Variants in LRMDA observed in about 807,000 individuals in gnomAD.
LRMDA encodes the protein leucine rich melanocyte differentiation associated, also known as leucine-rich melanocyte differentiation-associated protein.
Under a neutral mutation model 29.8 loss-of-function variants are expected in LRMDA, and 18 were observed. That is an observed-to-expected ratio of 0.60 (90% CI 0.42 to 0.90). LRMDA has a LOEUF of 0.90. Ranked by LOEUF, LRMDA falls within the 40% of genes least tolerant of loss-of-function variation. The pLI is 0.00. For missense variants in LRMDA, 273 were observed against 273.9 expected (o/e 1.00, Z 0.02); for synonymous variants, 125 against 109.4 (o/e 1.14, Z -0.89).
At chr10:76,226,747 A>G (rs1355719844) in intron 5 of LRMDA, among the ~76,000 whole-genome samples, 3 of 152,154 alleles carry the variant, frequency 2.0e-5, no homozygotes, top group African/African-American at 7.2e-5. Flanking sequence ...CACAGAGCCA[A>G]ACCATATCAG....
At chr10:76,017,809 G>A (rs925300554) in intron 2 of LRMDA, among the ~76,000 whole-genome samples, 6 of 152,158 alleles carry the variant, frequency 3.9e-5, no homozygotes, top group Admixed American at 2.6e-4. Flanking sequence ...GGCTTCCAGG[G>A]CAGATGTGCA....
At chr10:76,128,624 A>C (rs1849930426) in intron 5 of LRMDA, among the ~76,000 whole-genome samples, 1 of 152,180 alleles carries the variant, frequency 6.6e-6, no homozygotes, top group African/African-American at 2.4e-5. Flanking sequence ...TATGATCCCC[A>C]GTGTGAAAAA....
At chr10:75,604,097 A>AC (rs1202550174) in intron 2 of LRMDA, among the ~76,000 whole-genome samples, 3 of 151,736 alleles carry the variant, frequency 2.0e-5, no homozygotes, top group East Asian at 1.9e-4. Context: ...TTGGATTGTG[A>AC]CCCCCCAATG....
chr10:75,584,115 TG>T (rs1457523217), intron 2 of LRMDA, among the ~76,000 whole-genome samples: 1 of 152,200 alleles, frequency 6.6e-6, no homozygotes, highest in African/African-American at 2.4e-5. Flanking sequence ...TAAGACAATA[TG>T]GGCTGCTTTT....
intron 2 of LRMDA, among the ~76,000 whole-genome samples, chr10:75,834,910 C>T (rs1844407375): frequency 6.6e-6 from 1 of 152,210 alleles, no homozygotes. Context: ...AATGTTTCTA[C>T]TAACAGCCTG....
At chr10:76,341,513 T>C (rs2132420336) in intron 6 of LRMDA, among the ~76,000 whole-genome samples, 1 of 152,364 alleles carries the variant, frequency 6.6e-6, no homozygotes, top group Non-Finnish European at 1.5e-5. Flanking sequence ...CTCATTGTTA[T>C]TCCAGTTAGT....
intron 6 of LRMDA, among the ~76,000 whole-genome samples, chr10:76,350,725 A>G (rs1841165711): frequency 6.6e-6 from 1 of 152,094 alleles, no homozygotes; most frequent in Non-Finnish European, 1.5e-5. Context: ...ATATTATCCT[A>G]GTCATCTGGG....
chr10:76,397,251 G>A (rs941965650), intron 6 of LRMDA, among the ~76,000 whole-genome samples: 4 of 152,080 alleles, frequency 2.6e-5, no homozygotes, highest in African/African-American at 7.2e-5. Flanking sequence ...GCTTTGCTCA[G>A]TTGTCACAAG....
At chr10:76,337,156 ATT>A (rs1840979615) in intron 6 of LRMDA, among the ~76,000 whole-genome samples, 1 of 152,180 alleles carries the variant, frequency 6.6e-6, no homozygotes. Context: ...CTGGAAGTTT[ATT>A]AATTCATTCA....
At chr10:76,510,561 C>T (rs1208598065) in intron 6 of LRMDA, among the ~76,000 whole-genome samples, 2 of 152,138 alleles carry the variant, frequency 1.3e-5, no homozygotes, top group African/African-American at 2.4e-5. Context: ...AGAAGAACCT[C>T]GGACTGCCAC....
At chr10:76,156,735 A>C (rs1206670277) in intron 5 of LRMDA, among the ~76,000 whole-genome samples, 1 of 152,226 alleles carries the variant, frequency 6.6e-6, no homozygotes, top group Non-Finnish European at 1.5e-5. Context: ...AAGGCTCATG[A>C]TAGCTCAAGA....
intron 2 of LRMDA, among the ~76,000 whole-genome samples, chr10:75,955,656 T>C (rs913968819): frequency 6.6e-6 from 1 of 152,196 alleles, no homozygotes; most frequent in East Asian, 1.9e-4. Context: ...CTATAGTGCC[T>C]CAAATTTTGT....
intron 5 of LRMDA, among the ~76,000 whole-genome samples, chr10:76,099,153 T>A (rs539081836): frequency 6.6e-6 from 1 of 152,358 alleles, no homozygotes; most frequent in Admixed American, 6.5e-5. Flanking sequence ...TAGTCCTACC[T>A]ACAAAGGCCA....
intron 6 of LRMDA, among the ~76,000 whole-genome samples, chr10:76,383,825 A>G (rs1165283932): frequency 1.3e-5 from 2 of 152,188 alleles, no homozygotes; most frequent in African/African-American, 2.4e-5. Flanking sequence ...TTGAGGTTTC[A>G]GCTTGAATGT....
chr10:75,745,648 T>A (rs1052014038), intron 2 of LRMDA, among the ~76,000 whole-genome samples: 1 of 152,240 alleles, frequency 6.6e-6, no homozygotes, highest in African/African-American at 2.4e-5. Flanking sequence ...TAAGAAAACA[T>A]TGGAACAATA....
intron 4 of LRMDA, among the ~76,000 whole-genome samples, chr10:76,051,324 T>C (rs1848528269): frequency 6.6e-6 from 1 of 152,256 alleles, no homozygotes; most frequent in African/African-American, 2.4e-5. Context: ...TTACTCTCTG[T>C]AGAGGGCCTT....
At chr10:75,616,234 T>TAGCAGCAGCAGCAGCAGCAGCAGC (rs1006575002) in intron 2 of LRMDA, among the ~76,000 whole-genome samples, 101 of 146,804 alleles carry the variant, frequency 6.9e-4, no homozygotes, top group African/African-American at 2.6e-3. Context: ...ACAGTAATAG[T>TAGCAGCAGCAGCAGCAGCAGCAGC]AGCAGTAGCA....
At chr10:75,506,502 T>A (rs903952203) in intron 2 of LRMDA, among the ~76,000 whole-genome samples, 1 of 152,164 alleles carries the variant, frequency 6.6e-6, no homozygotes, top group Non-Finnish European at 1.5e-5. Flanking sequence ...TGGTGTCTTA[T>A]AGCAGATCAG....
At chr10:76,128,161 G>A (rs1275623666) in intron 5 of LRMDA, among the ~76,000 whole-genome samples, 1 of 152,208 alleles carries the variant, frequency 6.6e-6, no homozygotes, top group African/African-American at 2.4e-5. Flanking sequence ...TCAGGTTCTA[G>A]ATGGTAACAG....
Sources: allele counts gnomAD v4.1 joint callset (sites outside exome capture counted in the v4.1 genomes callset), GRCh38; gene constraint gnomAD v4.1.1; transcripts MANE v1.5; gene names NCBI Gene and HGNC (gene_info 2026-07-23, HGNC 2026-07-21).